The following DDX31 variants were observed in gnomAD, a reference collection of about 807,000 sequenced individuals.
DDX31 encodes the protein ATP-dependent DNA helicase DDX31.
In DDX31, 70 loss-of-function variants were observed where a neutral mutation model predicts 91.3. The observed-to-expected ratio is 0.77, with a 90% CI of 0.63 to 0.94. DDX31 has a LOEUF of 0.94. DDX31 is among the 40% of genes least tolerant of loss of function. The pLI is 0.00. For missense variants in DDX31, 902 were observed against 925.0 expected (o/e 0.98, Z 0.32); for synonymous variants, 362 against 350.6 (o/e 1.03, Z -0.36).
intron 1 of DDX31, among the ~76,000 whole-genome samples, chr9:132,668,454 T>C (rs1476193629): frequency 3.3e-5 from 5 of 152,130 alleles, no homozygotes; most frequent in African/African-American, 1.2e-4. Context: ...ACCAAAAGAG[T>C]TAAACTCAAA....
chr9:132,662,288 A>G lies in DDX31; in HGVS notation c.381T>C (p.Phe127=), dbSNP rs1460767211. 3 of 1,614,238 alleles carry G rather than the reference A, an allele frequency of 1.9e-6. No individual in the cohort carries two copies. The African/African-American group carries it at 4.0e-5, about 22-fold the overall frequency. Reference sequence around the variant, plus strand: ...AATGTGGGTGGAGGCCCAGCTCATGAAAAGCAGCTGAAGTAAACACTTTTT... The same window carrying G: ...AATGTGGGTGGAGGCCCAGCTCATGGAAAGCAGCTGAAGTAAACACTTTTT... ...VQEKVFTSAA[F]HELGLHPHLI... Residue 127 remains phenylalanine, a synonymous_variant, in exon 3 of 20, where the codon TTT becomes TTC. Coordinates refer to ENST00000372159, the MANE Select transcript of DDX31 (RefSeq NM_022779.9).
intron 18 of DDX31, among the ~76,000 whole-genome samples, chr9:132,614,180 C>T (rs1831503575): frequency 6.6e-6 from 1 of 152,190 alleles, no homozygotes; most frequent in Non-Finnish European, 1.5e-5. Flanking sequence ...TGGAAGGATC[C>T]TGGGGAATCC....
chr9:132,603,811 G>A (rs1433750710), intron 19 of DDX31, among the ~76,000 whole-genome samples: 3 of 152,174 alleles, frequency 2.0e-5, no homozygotes, highest in Admixed American at 6.5e-5. Flanking sequence ...CTGAAAGCAC[G>A]CCCTGTGGTT....
chr9:132,662,962 T>G lies in DDX31; in HGVS notation c.76-267A>C, dbSNP rs117983125. ...TTCTTAACTGTTAAATCAATCAAGA[T>G]AAGGTAAGGATGAAGAAGCAGCATT... On this transcript the variant is annotated intron_variant, in intron 1 of 19. Coordinates refer to ENST00000372159, the MANE Select transcript of DDX31 (RefSeq NM_022779.9). Among the ~76,000 whole-genome samples the G allele has an allele frequency of 9.7e-3, 1,472 of 152,250 alleles. 11 individuals are homozygous for G. The highest frequency in any genetic ancestry group is 0.017 in the Middle Eastern group (5 of 294).
At position 132,595,109 on chromosome 9, in the gene DDX31, A is replaced by G. The variant is rs375092679; in HGVS notation, c.1998T>C (p.Pro666=). ...RKKRKAHVKR[P]DLHKKTQSKH... ...TACTCTGGGTCTTCTTATGAAGGTCAGGCCTGAAGAACAGTAACAGCAGAG... is the reference window on the plus strand; with the variant it reads ...TACTCTGGGTCTTCTTATGAAGGTCGGGCCTGAAGAACAGTAACAGCAGAG... The change falls in exon 20 of 20, where the codon CCT becomes CCC. Residue 666 remains proline, a synonymous_variant. Coordinates refer to ENST00000372159, the MANE Select transcript of DDX31 (RefSeq NM_022779.9). This position sits in a 1 kb window ranked among gnomAD's most constrained non-coding sequence, Gnocchi z 4.6. 1 of 1,612,534 alleles carries G rather than the reference A, an allele frequency of 6.2e-7. No individual in the cohort carries two copies. The highest frequency in any genetic ancestry group is 1.3e-5 in the African/African-American group (1 of 74,880).
intron 11 of DDX31, among the ~76,000 whole-genome samples, 199 bp from the exon 12 acceptor site, chr9:132,647,257 A>G (rs1172008515): frequency 1.3e-5 from 2 of 152,134 alleles, no homozygotes; most frequent in African/African-American, 4.8e-5. Context: ...ATCTTTCCAT[A>G]GCCATTCTAT....
chr9:132,663,910 T>G (rs1328902878), intron 1 of DDX31, among the ~76,000 whole-genome samples: 1 of 152,252 alleles, frequency 6.6e-6, no homozygotes, highest in Non-Finnish European at 1.5e-5. Context: ...TTCAGGTTTG[T>G]TGAATCATTT....
intron 9 of DDX31, 130 bp downstream of exon 9, chr9:132,650,104 C>T: frequency 1.2e-6 from 1 of 855,674 alleles, no homozygotes; most frequent in Non-Finnish European, 2.0e-6. Context: ...TCAATCTGTC[C>T]CTGTGCACCG....
chr9:132,633,367 C>CA (rs1832912353), intron 14 of DDX31, among the ~76,000 whole-genome samples: 1 of 151,816 alleles, frequency 6.6e-6, no homozygotes, highest in African/African-American at 2.4e-5. Flanking sequence ...AAAGTCCACA[C>CA]AAAAAAAGAT....
At chr9:132,602,212 C>T (rs147038384) in intron 19 of DDX31, among the ~76,000 whole-genome samples, 1 of 152,206 alleles carries the variant, frequency 6.6e-6, no homozygotes, top group Admixed American at 6.5e-5. Context: ...AATGGACAGC[C>T]CTGGGGGCTG....
At chr9:132,631,501 C>T (rs1832715461) in intron 15 of DDX31, among the ~76,000 whole-genome samples, 1 of 152,156 alleles carries the variant, frequency 6.6e-6, no homozygotes, top group African/African-American at 2.4e-5. Flanking sequence ...GTCCCCCAGC[C>T]CCGACACAAA....
At chr9:132,635,650 A>G (rs977366843) in intron 14 of DDX31, among the ~76,000 whole-genome samples, 2 of 151,456 alleles carry the variant, frequency 1.3e-5, no homozygotes, top group Non-Finnish European at 2.9e-5. Context: ...AAATTTCTAT[A>G]AGAAACACAC....
rs574447114 is a variant in DDX31 at position 132,630,534 on chromosome 9, T to C, written c.1492-131A>G. ...TGGTGCTATGGTTACCCTAACACAA[T>C]CACAAGGAGAAGTCACCCAACCCTG... On this transcript the variant is annotated intron_variant, in intron 15 of 19. Coordinates refer to ENST00000372159, the MANE Select transcript of DDX31 (RefSeq NM_022779.9). The C allele has an allele frequency of 2.6e-5, 24 of 913,058 alleles. 1 individual carries two copies. The South Asian group carries it at 8.2e-4, about 31-fold the overall frequency. 56.6% of individuals were successfully genotyped at this position (913,058 alleles called of 1,614,324 possible). A position where few individuals can be genotyped will look rare whatever the true frequency, so the allele number is the denominator to read the frequency against.
At chr9:132,646,504 T>TG (rs1451710077) in intron 12 of DDX31, among the ~76,000 whole-genome samples, 1 of 152,148 alleles carries the variant, frequency 6.6e-6, no homozygotes, top group Non-Finnish European at 1.5e-5. Flanking sequence ...CCAAGACTCT[T>TG]GGAGAAACAT....
At chr9:132,665,172 CCT>C (rs1259183534) in intron 1 of DDX31, among the ~76,000 whole-genome samples, 2 of 152,176 alleles carry the variant, frequency 1.3e-5, no homozygotes, top group Non-Finnish European at 2.9e-5. Flanking sequence ...TGTATAGGCC[CCT>C]GTCTGGCAGA....
In DDX31 at chr9:132,612,026, C is replaced by T; in HGVS notation, c.1994+61G>A. 5 of 1,565,850 alleles carry T rather than the reference C, an allele frequency of 3.2e-6. No individual in the cohort carries two copies. The South Asian group carries it at 6.0e-5, about 19-fold the overall frequency. On this transcript the variant is annotated intron_variant, in intron 19 of 19. Transcript: ENST00000372159. ...GTTGCGGTGAGCATGGCAGCTAGCA[C>T]ATCACATCATGTGAACGGAGCTCTC...
intron 10 of DDX31, 66 bp downstream of exon 10, chr9:132,648,366 G>A (rs745742603): frequency 3.3e-5 from 53 of 1,605,248 alleles, no homozygotes; most frequent in Non-Finnish European, 4.4e-5. Context: ...GGCTACAGAA[G>A]TTGCAACAAG....
At position 132,625,763 on chromosome 9, in the gene DDX31, C is replaced by T. The variant is rs991928432; in HGVS notation, c.1632-18G>A. 6.2e-7 allele frequency: 1 copy of T among 1,608,188 alleles called. No individual in the cohort carries two copies. The highest frequency in any genetic ancestry group is 8.5e-7 in the Non-Finnish European group (1 of 1,177,032). On this transcript the variant is annotated intron_variant, in intron 16 of 19. Coordinates refer to ENST00000372159, the MANE Select transcript of DDX31 (RefSeq NM_022779.9). ...CAGAAACGCTGTAAAAGGAAGGGCA[C>T]AGCAAGGTAACTTTTTGCTCTTTCA...
At chr9:132,652,619 A>C in intron 6 of DDX31, 127 bp from the exon 7 acceptor site, 1 of 1,238,434 alleles carries the variant, frequency 8.1e-7, no homozygotes, top group Non-Finnish European at 1.1e-6. Context: ...GGACAAAATA[A>C]GGTTGCCCAC....
Sources: allele counts gnomAD v4.1 joint callset (sites outside exome capture counted in the v4.1 genomes callset), GRCh38; gene constraint gnomAD v4.1.1; non-coding constraint Gnocchi (gnomAD v3.1); transcripts MANE v1.5; gene names NCBI Gene and HGNC (gene_info 2026-07-23, HGNC 2026-07-21).